The following UBOX5 variants were observed in gnomAD, a reference collection of about 807,000 sequenced individuals.
The protein encoded by UBOX5 is RING finger protein 37.
A neutral mutation model predicts 39.0 loss-of-function variants in UBOX5; 28 were observed. The observed-to-expected ratio is 0.72, with a 90% CI of 0.53 to 0.98. The LOEUF is 0.98. Ranked by LOEUF, UBOX5 falls within the 50% of genes least tolerant of loss-of-function variation. The pLI, the probability that UBOX5 is intolerant of heterozygous loss-of-function variation, is 0.00. For synonymous variants in UBOX5, 283 were observed against 275.5 expected (o/e 1.03, Z -0.27); for missense variants, 585 against 674.4 (o/e 0.87, Z 1.47).
At chr20:3,126,777 T>C (rs985624403) in intron 1 of UBOX5, among the ~76,000 whole-genome samples, 5 of 152,016 alleles carry the variant, frequency 3.3e-5, no homozygotes, top group African/African-American at 1.2e-4. Flanking sequence ...GGCTCATACC[T>C]GTAATCCCAG....
Position 3,123,421 on chromosome 20 carries a change from A to G in UBOX5, c.-41-15T>C. ...TCAGAAGCAGCCTTAAATAAGAAAT[A>G]AAACTATGTATTAGAAAATGTAAAA... On this transcript the variant is annotated splice_polypyrimidine_tract_variant and intron_variant, in intron 1 of 4. Coordinates refer to ENST00000217173, the MANE Select transcript of UBOX5 (RefSeq NM_014948.4). The G allele has an allele frequency of 6.6e-7, 1 of 1,523,868 alleles. No individual in the cohort carries two copies. The highest frequency in any genetic ancestry group is 9.0e-7 in the Non-Finnish European group (1 of 1,105,994). 94.4% of individuals were successfully genotyped at this position (1,523,868 alleles called of 1,614,324 possible).
At chr20:3,145,206 G>A (rs1454275045) in intron 1 of UBOX5, among the ~76,000 whole-genome samples, 2 of 151,710 alleles carry the variant, frequency 1.3e-5, no homozygotes, top group Admixed American at 6.6e-5. Flanking sequence ...AGGTGGGAGT[G>A]CACTGACACA....
intron 1 of UBOX5, among the ~76,000 whole-genome samples, chr20:3,155,290 A>G (rs1192396442): frequency 6.6e-6 from 1 of 150,486 alleles, no homozygotes; most frequent in Non-Finnish European, 1.5e-5. Flanking sequence ...AGCACTTTGG[A>G]AGGCTGAGGC....
intron 1 of UBOX5, among the ~76,000 whole-genome samples, chr20:3,140,109 C>T (rs374570546): frequency 6.8e-6 from 1 of 147,458 alleles, no homozygotes; most frequent in Non-Finnish European, 1.5e-5. Flanking sequence ...GCAACCTCCA[C>T]CTCCTGGGCT....
chr20:3,147,002 A>G (rs1418162981), intron 1 of UBOX5: 1 of 1,614,186 alleles, frequency 6.2e-7, no homozygotes, highest in East Asian at 2.2e-5. Flanking sequence ...TGGGGTCTGC[A>G]TGCAGGCTGC....
rs371010593 is a variant in UBOX5 at position 3,121,690 on chromosome 20, G to A, written c.949C>T (p.Gln317Ter). 31 of 1,613,868 alleles carry A rather than the reference G, an allele frequency of 1.9e-5. No individual in the cohort carries two copies. The highest frequency in any genetic ancestry group is 2.5e-5 in the Non-Finnish European group (30 of 1,180,016). Reference protein sequence around the residue: ...FTGVAFTPHSQPLPHPSLKAR... With the variant: ...FTGVAFTPHS ...TTGAGGGAGGGGTGAGGCAGGGGCT[G>A]AGAGTGCGGAGTAAAAGCTACCCCC... The change falls in exon 3 of 5, where the codon CAG becomes TAG. Residue 317 changes from glutamine (Q) to a stop codon, truncating the protein, a stop_gained. Coordinates refer to ENST00000217173, the MANE Select transcript of UBOX5 (RefSeq NM_014948.4). LOFTEE classifies it high-confidence loss of function.
chr20:3,121,440 G>T lies in UBOX5; in HGVS notation c.1199C>A (p.Ala400Asp), dbSNP rs6139012. Reference protein sequence around the residue: ...LVLPTTSEHTAKKMKATNEPS... With the variant: ...LVLPTTSEHTDKKMKATNEPS... ...CTCATTGGTGGCTTTCATTTTCTTAGCAGTGTGCTCTGAGGTAGTGGGTAA... is the reference window on the plus strand; with the variant it reads ...CTCATTGGTGGCTTTCATTTTCTTATCAGTGTGCTCTGAGGTAGTGGGTAA... Residue 400 changes from alanine to aspartate, a missense_variant, in exon 3 of 5, where the codon GCT (alanine) becomes GAT (aspartate). Physicochemically the swap from Ala to Asp is moderately radical, Grantham distance 126. Coordinates refer to ENST00000217173, the MANE Select transcript of UBOX5 (RefSeq NM_014948.4). The T allele has an allele frequency of 6.2e-7, 1 of 1,614,080 alleles. No homozygotes were observed. Among genetic ancestry groups the T allele is most frequent in the East Asian group, 2.2e-5 (1 of 44,878 alleles).
chr20:3,136,548 T>A (rs912728109), intron 1 of UBOX5, among the ~76,000 whole-genome samples: 2 of 151,470 alleles, frequency 1.3e-5, no homozygotes, highest in Non-Finnish European at 2.9e-5. Flanking sequence ...AGAAATGGGA[T>A]TTCCCCACGT....
rs151174770 is a variant in UBOX5 at position 3,156,320 on chromosome 20, C to A, written c.-42+3446G>T. ...CCTCCCAAGTAGCTGAGACTAAAGG[C>A]TCACGCCAACATGCCCACCTAATTT... On this transcript the variant is annotated intron_variant, in intron 1 of 4. Coordinates refer to ENST00000217173, the MANE Select transcript of UBOX5 (RefSeq NM_014948.4). Among the ~76,000 whole-genome samples the A allele has an allele frequency of 1.9e-3, 289 of 152,074 alleles. 2 individuals carry two copies. The Middle Eastern group carries it at 0.051, about 27-fold the overall frequency.
intron 4 of UBOX5, among the ~76,000 whole-genome samples, chr20:3,112,678 G>A (rs908301295): frequency 6.6e-6 from 1 of 152,196 alleles, no homozygotes; most frequent in African/African-American, 2.4e-5. Flanking sequence ...CAGTGGTCGG[G>A]CACGGTGGCT....
chr20:3,110,447 T>A, intron 4 of UBOX5, 133 bp from the exon 5 acceptor site: 1 of 1,060,070 alleles, frequency 9.4e-7, no homozygotes, highest in Non-Finnish European at 1.4e-6. Flanking sequence ...CATCCCAGTC[T>A]GATCAGGTAG....
chr20:3,131,826 T>G (rs1379257585), intron 1 of UBOX5, among the ~76,000 whole-genome samples: 1 of 151,070 alleles, frequency 6.6e-6, no homozygotes, highest in African/African-American at 2.4e-5. Flanking sequence ...CTGGTCAACA[T>G]GATGAAACCC....
chr20:3,140,504 C>G (rs779708149), intron 1 of UBOX5, among the ~76,000 whole-genome samples: 1 of 152,106 alleles, frequency 6.6e-6, no homozygotes, highest in African/African-American at 2.4e-5. Context: ...GCCAGTCTCT[C>G]CAACATAAAA....
chr20:3,149,835 A>T lies in UBOX5; in HGVS notation c.-42+9931T>A, dbSNP rs1295665962. Among the ~76,000 whole-genome samples, 2 of 152,040 alleles carry T rather than the reference A, an allele frequency of 1.3e-5. No homozygotes were observed. The highest frequency in any genetic ancestry group is 2.9e-5 in the Non-Finnish European group (2 of 67,990). ...GAGTTCAAGACCAGCCTGGCCAACA[A>T]GGCGAAATCCCGTCTCTATTAAAAA... is the stretch of plus-strand genomic sequence containing the variant. On this transcript the variant is annotated intron_variant, in intron 1 of 4. Coordinates refer to ENST00000217173, the MANE Select transcript of UBOX5 (RefSeq NM_014948.4). The surrounding 1 kb of genome is among the most constrained non-coding windows in gnomAD (Gnocchi z 4.1).
intron 1 of UBOX5, among the ~76,000 whole-genome samples, chr20:3,125,006 G>C (rs1313270330): frequency 6.8e-6 from 1 of 146,526 alleles, no homozygotes; most frequent in Non-Finnish European, 1.5e-5. Flanking sequence ...CGCCCCGTCT[G>C]AGAAGTGAGG....
At position 3,109,799 on chromosome 20, in the gene UBOX5, C is replaced by T. The variant is rs985927084; in HGVS notation, c.*307G>A. Reference sequence around the variant, plus strand: ...TGGACAGGGGGGTATGCGGACTGCACGGGGGGGCCCTCAGCAGGGGTCTTC... The same window carrying T: ...TGGACAGGGGGGTATGCGGACTGCATGGGGGGGCCCTCAGCAGGGGTCTTC... On this transcript the variant is annotated 3_prime_UTR_variant, in exon 5 of 5. Coordinates refer to ENST00000217173, the MANE Select transcript of UBOX5 (RefSeq NM_014948.4). The T allele has an allele frequency of 1.6e-5, 7 of 435,196 alleles. No homozygotes were observed. Among genetic ancestry groups the T allele is most frequent in the South Asian group, 8.9e-5 (4 of 44,982 alleles). 27.0% of individuals were successfully genotyped at this position (435,196 alleles called of 1,614,324 possible).
chr20:3,128,153 G>C (rs2066404152), intron 1 of UBOX5, among the ~76,000 whole-genome samples: 1 of 152,218 alleles, frequency 6.6e-6, no homozygotes, highest in African/African-American at 2.4e-5. Context: ...CTGATGCATT[G>C]TGTCTACAAA....
Position 3,149,613 on chromosome 20 carries a change from A to G in UBOX5, c.-42+10153T>C, listed in dbSNP as rs1248358885. Among the ~76,000 whole-genome samples, 1 of 152,220 alleles carries G rather than the reference A, an allele frequency of 6.6e-6. No homozygotes were observed. Among genetic ancestry groups the G allele is most frequent in the African/African-American group, 2.4e-5 (1 of 41,444 alleles). Reference sequence around the variant, plus strand: ...AGAAAGAAGGCTGGGAACAAAAGTGAGCAACTCCTTCCATCTCTTTGATAT... The same window carrying G: ...AGAAAGAAGGCTGGGAACAAAAGTGGGCAACTCCTTCCATCTCTTTGATAT... On this transcript the variant is annotated intron_variant, in intron 1 of 4. Coordinates refer to ENST00000217173, the MANE Select transcript of UBOX5 (RefSeq NM_014948.4). This position sits in a 1 kb window ranked among gnomAD's most constrained non-coding sequence, Gnocchi z 4.1.
chr20:3,156,797 A>G (rs1308924878), intron 1 of UBOX5: 1 of 152,306 alleles, frequency 6.6e-6, no homozygotes, highest in Non-Finnish European at 1.5e-5. Flanking sequence ...CTAACTGTAG[A>G]CTGAGTATAA....
Sources: allele counts gnomAD v4.1 joint callset (sites outside exome capture counted in the v4.1 genomes callset), GRCh38; gene constraint gnomAD v4.1.1; non-coding constraint Gnocchi (gnomAD v3.1); transcripts MANE v1.5; gene names NCBI Gene and HGNC (gene_info 2026-07-23, HGNC 2026-07-21).